Variants in FAM53B observed in about 807,000 individuals in gnomAD.
FAM53B encodes the protein family with sequence similarity 53 member B.
Under a neutral mutation model 32.7 loss-of-function variants are expected in FAM53B, and 12 were observed. That is an observed-to-expected ratio of 0.37 (90% CI 0.24 to 0.59). The LOEUF is 0.59. FAM53B is among the 20% of genes least tolerant of loss of function. FAM53B has a pLI of 0.72. For missense variants in FAM53B, 477 were observed against 577.7 expected (o/e 0.83, Z 1.79); for synonymous variants, 234 against 228.7 (o/e 1.02, Z -0.21).
intron 3 of FAM53B, among the ~76,000 whole-genome samples, chr10:124,683,812 C>T (rs972217315): frequency 6.6e-6 from 1 of 152,208 alleles, no homozygotes; most frequent in African/African-American, 2.4e-5. Flanking sequence ...TGAGATTTAA[C>T]CCATGAGTGC....
intron 1 of FAM53B, among the ~76,000 whole-genome samples, chr10:124,736,046 G>A (rs182428704): frequency 2.0e-4 from 30 of 152,358 alleles, no homozygotes; most frequent in East Asian, 3.9e-4. Context: ...GCATGCAGCC[G>A]ACCATGGGCT....
At chr10:124,709,976 A>G (rs957387903) in intron 1 of FAM53B, among the ~76,000 whole-genome samples, 5 of 152,204 alleles carry the variant, frequency 3.3e-5, no homozygotes, top group Non-Finnish European at 2.9e-5. Context: ...ACGCCTGCCC[A>G]TGGTACTTTT....
chr10:124,687,753 G>C (rs922065912), intron 3 of FAM53B, among the ~76,000 whole-genome samples: 2 of 152,176 alleles, frequency 1.3e-5, no homozygotes, highest in Admixed American at 6.5e-5. Context: ...GTCTCTCTGG[G>C]TAGGCATTTG....
intron 4 of FAM53B, among the ~76,000 whole-genome samples, chr10:124,629,093 T>C (rs1004931250): frequency 1.3e-5 from 2 of 152,264 alleles, no homozygotes; most frequent in Admixed American, 6.5e-5. Context: ...AGTACTACTA[T>C]TCTTTCTAGA....
chr10:124,682,865 G>T lies in FAM53B; in HGVS notation c.134-486C>A, dbSNP rs1949781988. Among the ~76,000 whole-genome samples, 1 of 152,212 alleles carries T rather than the reference G, an allele frequency of 6.6e-6. No homozygotes were observed. The highest frequency in any genetic ancestry group is 1.5e-5 in the Non-Finnish European group (1 of 68,048). The stretch of plus-strand genomic sequence containing the variant: ...GACCACAACCAAAGATGTCTCAACA[G>T]CTCGGATGGCCAAGGCCAAAAGATG... On this transcript the variant is annotated intron_variant, in intron 3 of 4. Transcript: ENST00000337318. This position sits in a 1 kb window ranked among gnomAD's most constrained non-coding sequence, Gnocchi z 5.2.
intron 4 of FAM53B, among the ~76,000 whole-genome samples, chr10:124,666,471 C>T (rs985883859): frequency 5.9e-5 from 9 of 152,314 alleles, no homozygotes; most frequent in African/African-American, 1.4e-4. Context: ...GAACCTGACG[C>T]GAGTGGCTCG....
At chr10:124,652,753 G>A (rs1476121184) in intron 4 of FAM53B, among the ~76,000 whole-genome samples, 2 of 152,178 alleles carry the variant, frequency 1.3e-5, no homozygotes, top group East Asian at 1.9e-4. Flanking sequence ...GCTCCAGTTC[G>A]GGGTCCACTT....
chr10:124,654,617 G>A (rs1949575920), intron 4 of FAM53B, among the ~76,000 whole-genome samples: 1 of 152,198 alleles, frequency 6.6e-6, no homozygotes, highest in Non-Finnish European at 1.5e-5. Flanking sequence ...TAGAAAGCCC[G>A]ACTCCAGGCA....
At chr10:124,642,230 G>A (rs979980368) in intron 4 of FAM53B, among the ~76,000 whole-genome samples, 5 of 152,218 alleles carry the variant, frequency 3.3e-5, no homozygotes, top group South Asian at 4.1e-4. Context: ...GAGGCTTTAC[G>A]GGCAAGCTGC....
intron 3 of FAM53B, among the ~76,000 whole-genome samples, chr10:124,684,413 G>A (rs1034240776): frequency 2.6e-5 from 4 of 152,200 alleles, no homozygotes; most frequent in African/African-American, 9.7e-5. Flanking sequence ...GTTCAAACAT[G>A]CTTCACCACC....
chr10:124,729,859 T>C (rs1950129818), intron 1 of FAM53B, among the ~76,000 whole-genome samples: 1 of 152,164 alleles, frequency 6.6e-6, no homozygotes, highest in Non-Finnish European at 1.5e-5. Context: ...GAACTGGAGA[T>C]CTACGCCCTC....
At chr10:124,690,086 G>A (rs1427900499) in intron 3 of FAM53B, among the ~76,000 whole-genome samples, 2 of 152,260 alleles carry the variant, frequency 1.3e-5, no homozygotes, top group African/African-American at 4.8e-5. Flanking sequence ...TGCTGGTGAT[G>A]CATCTCTTAA....
chr10:124,717,793 C>T (rs975475581), intron 1 of FAM53B, among the ~76,000 whole-genome samples: 1 of 152,156 alleles, frequency 6.6e-6, no homozygotes, highest in Non-Finnish European at 1.5e-5. Flanking sequence ...TCTTGGAGAG[C>T]CAGGAAGTTA....
intron 4 of FAM53B, among the ~76,000 whole-genome samples, chr10:124,669,006 C>T (rs1003595621): frequency 2.0e-5 from 3 of 152,214 alleles, no homozygotes; most frequent in Non-Finnish European, 4.4e-5. Flanking sequence ...GGCCCGAGAG[C>T]GGAGGCCAGC....
At chr10:124,713,651 T>C (rs1172710383) in intron 1 of FAM53B, 1 of 152,250 alleles carries the variant, frequency 6.6e-6, no homozygotes, top group Admixed American at 6.5e-5. Flanking sequence ...AAATGCTCTG[T>C]AATGCATTTT....
intron 4 of FAM53B, among the ~76,000 whole-genome samples, chr10:124,630,433 G>C (rs748798501): frequency 6.6e-6 from 1 of 152,132 alleles, no homozygotes; most frequent in Non-Finnish European, 1.5e-5. Context: ...GAAAAGCGGG[G>C]GACAGCATCA....
Position 124,704,551 on chromosome 10 carries a change from G to T in FAM53B, c.78+2085C>A, listed in dbSNP as rs374779403. On this transcript the variant is annotated intron_variant, in intron 2 of 4. Coordinates refer to ENST00000337318, the MANE Select transcript of FAM53B (RefSeq NM_014661.4). ...GAGGGAGGGAGTATGTCCTACTGTG[G>T]GGAGAGGGCTCCAGGCCAAGGAAAA... is the stretch of plus-strand genomic sequence containing the variant. 3.7e-4 allele frequency among the ~76,000 whole-genome samples: 56 copies of T among 152,340 alleles called. 1 individual carries two copies. In the South Asian group the frequency reaches 0.012, roughly 32 times the overall value.
At chr10:124,681,390 T>A (rs1949770220) in intron 4 of FAM53B, among the ~76,000 whole-genome samples, 1 of 152,198 alleles carries the variant, frequency 6.6e-6, no homozygotes, top group Non-Finnish European at 1.5e-5. Flanking sequence ...AGCACTGAGC[T>A]CACAGTGAAA....
At chr10:124,662,115 C>T (rs933574853) in intron 4 of FAM53B, among the ~76,000 whole-genome samples, 1 of 152,220 alleles carries the variant, frequency 6.6e-6, no homozygotes, top group Non-Finnish European at 1.5e-5. Flanking sequence ...CACCCAGAGC[C>T]CTGCCCAGAC....
Sources: gnomAD v4.1 joint callset for allele counts (sites outside exome capture counted in the v4.1 genomes callset) on GRCh38, gnomAD v4.1.1 for gene constraint, Gnocchi (gnomAD v3.1) non-coding constraint, MANE v1.5 for transcripts, NCBI Gene and HGNC (gene_info 2026-07-23, HGNC 2026-07-21) for gene names.